The following TBRG4 variants were observed in gnomAD, a reference collection of about 807,000 sequenced individuals.
TBRG4 encodes transforming growth factor beta regulator 4, also known as FAST kinase domain-containing protein 4.
A neutral mutation model predicts 65.6 loss-of-function variants in TBRG4; 43 were observed. That is an observed-to-expected ratio of 0.66 (90% CI 0.51 to 0.85). The LOEUF (loss-of-function observed/expected upper bound fraction) is 0.85. Ranked by LOEUF, TBRG4 falls within the 40% of genes least tolerant of loss-of-function variation. The pLI, the probability that TBRG4 is intolerant of heterozygous loss-of-function variation, is 0.00. For synonymous variants in TBRG4, 366 were observed against 341.4 expected (o/e 1.07, Z -0.79); for missense variants, 709 against 787.9 (o/e 0.90, Z 1.20).
intron 5 of TBRG4, 143 bp from the exon 6 acceptor site, chr7:45,103,586 G>A (rs1784839932): frequency 1.5e-6 from 1 of 666,964 alleles, no homozygotes; most frequent in Non-Finnish European, 2.6e-6. Flanking sequence ...GAGCTGTGTC[G>A]GGAACAGAGA....
At position 45,109,266 on chromosome 7, in the gene TBRG4, T is replaced by A. The variant is rs1387843167; in HGVS notation, c.-29A>T. On this transcript the variant is annotated 5_prime_UTR_variant, in exon 2 of 11. Transcript: ENST00000258770. ...GTCCTGGGTGGCAGAGAGACAAGACTCCTAGCAAGTGATTCCAAACCCTGA... is the reference window on the plus strand; with the variant it reads ...GTCCTGGGTGGCAGAGAGACAAGACACCTAGCAAGTGATTCCAAACCCTGA... The A allele has an allele frequency of 6.5e-7, 1 of 1,538,488 alleles. No homozygotes were observed. The highest frequency in any genetic ancestry group is 8.7e-7 in the Non-Finnish European group (1 of 1,145,092).
At chr7:45,104,733 G>A (rs1784882999) in intron 3 of TBRG4, 24 bp from the exon 4 acceptor site, 3 of 1,609,790 alleles carry the variant, frequency 1.9e-6, no homozygotes, top group South Asian at 2.2e-5. Flanking sequence ...CCGCGCAGAG[G>A]TCAGCTCAAT....
rs750912625 is a variant in TBRG4 at position 45,102,354 on chromosome 7, T to C, written c.1314A>G (p.Gln438=). 6.2e-7 allele frequency: 1 copy of C among 1,614,038 alleles called. No individual in the cohort carries two copies. The highest frequency in any genetic ancestry group is 8.5e-7 in the Non-Finnish European group (1 of 1,179,996). Residue 438 remains glutamine, a synonymous_variant, in exon 7 of 11, where the codon CAA becomes CAG. Transcript: ENST00000258770. The part of the protein sequence containing the change: ...QAVLHPEFHI[Q]FLGGKSQKDQ... The stretch of plus-strand genomic sequence containing the variant: ...TAGGGGCAGGGGGCTCACCTAGAAA[T>C]TGGATGTGAAATTCAGGGTGGAGGA...
chr7:45,101,680 G>C, intron 8 of TBRG4, 66 bp from the exon 9 acceptor site: 1 of 1,597,844 alleles, frequency 6.3e-7, no homozygotes, highest in Non-Finnish European at 8.5e-7. Context: ...CCACAGGAAA[G>C]ATGAACAAAG....
chr7:45,108,558 G>A (rs1373031562), intron 2 of TBRG4, among the ~76,000 whole-genome samples: 1 of 152,244 alleles, frequency 6.6e-6, no homozygotes, highest in Non-Finnish European at 1.5e-5. Flanking sequence ...AAAGAACTGA[G>A]AAGAACCAGG....
At chr7:45,108,676 T>A in intron 2 of TBRG4, 151 bp downstream of exon 2, 1 of 605,966 alleles carries the variant, frequency 1.7e-6, no homozygotes, top group Non-Finnish European at 2.6e-6. Flanking sequence ...GAAAGCACGA[T>A]AAAGCACTTT....
rs531227429 is a variant in TBRG4, at chr7:45,100,279, C to A, written c.*46G>T. 2.7e-5 allele frequency: 42 copies of A among 1,560,296 alleles called. No homozygotes were observed. The South Asian group carries it at 4.6e-4, about 17-fold the overall frequency. On this transcript the variant is annotated 3_prime_UTR_variant, in exon 11 of 11. Coordinates refer to ENST00000258770, the MANE Select transcript of TBRG4 (RefSeq NM_004749.4). The stretch of plus-strand genomic sequence containing the variant: ...GGTGACCCTTCTTGGCCGCCCACAG[C>A]TAGACCTCCGGCGGAGAGGCACGCA...
chr7:45,100,344 G>C lies in TBRG4; in HGVS notation c.1877C>G (p.Ala626Gly), dbSNP rs1784727848. 1.2e-6 allele frequency: 2 copies of C among 1,614,112 alleles called. No homozygotes were observed. Among genetic ancestry groups the C allele is most frequent in the Non-Finnish European group, 8.5e-7 (1 of 1,179,998 alleles). ...CACAAGTCACTTGGCCAGCTCCTCA[G>C]CCACCGCTTTGCGCATCTTGTCCTT... is the stretch of plus-strand genomic sequence containing the variant. ...YLKDKMRKAV[A>G]EELAK Residue 626 changes from alanine to glycine, a missense_variant, in exon 11 of 11, where the codon GCT becomes GGT. By Grantham distance (60) the Ala-to-Gly change is moderately conservative. Transcript: ENST00000258770.
intron 8 of TBRG4, 79 bp from the exon 9 acceptor site, chr7:45,101,693 G>A: frequency 1.3e-6 from 2 of 1,594,480 alleles, no homozygotes; most frequent in Non-Finnish European, 8.5e-7. Context: ...GAACAAAGAT[G>A]GGACTGTGGG....
At chr7:45,110,070 A>C (rs1785082872) in intron 1 of TBRG4, among the ~76,000 whole-genome samples, 1 of 152,114 alleles carries the variant, frequency 6.6e-6, no homozygotes, top group African/African-American at 2.4e-5. Flanking sequence ...AAGGTAGATT[A>C]CATCACTAGC....
chr7:45,107,529 C>T (rs1218490823), intron 2 of TBRG4: 1 of 152,346 alleles, frequency 6.6e-6, no homozygotes, highest in Non-Finnish European at 1.5e-5. Flanking sequence ...GGTTCAGTCT[C>T]TGCGCTTATG....
At position 45,100,328 on chromosome 7, in the gene TBRG4, C is replaced by T; in HGVS notation, c.1893G>A (p.Lys631=). 1 of 1,613,952 alleles carries T rather than the reference C, an allele frequency of 6.2e-7. No homozygotes were observed. Among genetic ancestry groups the T allele is most frequent in the Non-Finnish European group, 8.5e-7 (1 of 1,179,912 alleles). ...MRKAVAEELA[K] is the part of the protein sequence containing the mutation. ...CAGTCCATGCTGCTGGCACAAGTCA[C>T]TTGGCCAGCTCCTCAGCCACCGCTT... The change falls in exon 11 of 11, where the codon AAG becomes AAA. Residue 631 remains lysine, a synonymous_variant. Coordinates refer to ENST00000258770, the MANE Select transcript of TBRG4 (RefSeq NM_004749.4).
In TBRG4 at chr7:45,100,441, G is replaced by A. The variant is rs767950240; in HGVS notation, c.1795-15C>T. The A allele has an allele frequency of 4.4e-6, 7 of 1,606,490 alleles. No homozygotes were observed. The highest frequency in any genetic ancestry group is 6.0e-6 in the Non-Finnish European group (7 of 1,173,272). ...TAGAATGGGACCTAGAAGGAGGCAG[G>A]GGAGACAGGTCACATGGGCAAGGAG... On this transcript the variant is annotated splice_polypyrimidine_tract_variant and intron_variant, in intron 10 of 10. Transcript: ENST00000258770.
Position 45,101,865 on chromosome 7 carries a change from C to A in TBRG4, c.1527G>T (p.Lys509Asn). 6.2e-7 allele frequency: 1 copy of A among 1,608,834 alleles called. No individual in the cohort carries two copies. The highest frequency in any genetic ancestry group is 1.7e-5 in the Admixed American group (1 of 59,020). ...ACTGCGTGGCCACCTCGAGGCTGCC[C>A]TTGTCGGCGCTCCCCAGCAGCCCCT... ...TLKGLLGSADKGSLEVATQYG... is the reference protein window; with the variant it reads ...TLKGLLGSADNGSLEVATQYG... The change falls in exon 8 of 11, where the codon AAG becomes AAT. Residue 509 changes from lysine (K) to asparagine (N), a missense_variant. Transcript: ENST00000258770.
chr7:45,111,672 G>C lies in TBRG4; in HGVS notation c.-80C>G. ...CGAGCACCACCGCTGACCTCCATCCGCCGCCCTAACTGTCCCCGGAACCAT... is the reference window on the plus strand; with the variant it reads ...CGAGCACCACCGCTGACCTCCATCCCCCGCCCTAACTGTCCCCGGAACCAT... On this transcript the variant is annotated 5_prime_UTR_variant, in exon 1 of 11. Coordinates refer to ENST00000258770, the MANE Select transcript of TBRG4 (RefSeq NM_004749.4). 7.8e-7 allele frequency: 1 copy of C among 1,289,306 alleles called. No individual in the cohort carries two copies. Among genetic ancestry groups the C allele is most frequent in the East Asian group, 5.6e-5 (1 of 18,014 alleles). 79.9% of individuals were successfully genotyped at this position (1,289,306 alleles called of 1,614,324 possible).
Position 45,101,373 on chromosome 7 carries a change from C to T in TBRG4, c.1680-1G>A, listed in dbSNP as rs777769997. The T allele has an allele frequency of 6.2e-7, 1 of 1,613,922 alleles. No individual in the cohort carries two copies. Among genetic ancestry groups the T allele is most frequent in the East Asian group, 2.2e-5 (1 of 44,878 alleles). On this transcript the variant is annotated splice_acceptor_variant, in intron 9 of 10. Coordinates refer to ENST00000258770, the MANE Select transcript of TBRG4 (RefSeq NM_004749.4). LOFTEE classifies it high-confidence loss of function. The stretch of plus-strand genomic sequence containing the variant: ...GAACTCCCACCGCAAGAACGCTAGC[C>T]TGGAAGGAAGAAGAGGTGGCTGACA...
intron 5 of TBRG4, 193 bp downstream of exon 5, chr7:45,103,906 G>A (rs1784850768): frequency 1.9e-5 from 15 of 772,092 alleles, no homozygotes; most frequent in Non-Finnish European, 3.0e-5. Flanking sequence ...AAAGAACAGA[G>A]GAAACAGTTC....
chr7:45,103,323 G>A lies in TBRG4; in HGVS notation c.1176+10C>T. 6.2e-7 allele frequency: 1 copy of A among 1,607,250 alleles called. No homozygotes were observed. The highest frequency in any genetic ancestry group is 1.1e-5 in the South Asian group (1 of 90,236). Reference sequence around the variant, plus strand: ...ATAAAGGTCGAGCAGTGGGAGCCCAGAGGCCCTACCAGGCTGAAGAACTGA... The same window carrying A: ...ATAAAGGTCGAGCAGTGGGAGCCCAAAGGCCCTACCAGGCTGAAGAACTGA... On this transcript the variant is annotated intron_variant, in intron 6 of 10. Coordinates refer to ENST00000258770, the MANE Select transcript of TBRG4 (RefSeq NM_004749.4).
At position 45,100,139 on chromosome 7, in the gene TBRG4, G is replaced by A. The variant is rs1324302433; in HGVS notation, c.*186C>T. 1.1e-5 allele frequency: 6 copies of A among 557,662 alleles called. No homozygotes were observed. In the South Asian group the frequency reaches 1.1e-4, roughly 11 times the overall value. 34.5% of individuals were successfully genotyped at this position (557,662 alleles called of 1,614,324 possible). A position where few individuals can be genotyped will look rare whatever the true frequency, so the allele number is the denominator to read the frequency against. On this transcript the variant is annotated 3_prime_UTR_variant, in exon 11 of 11. Coordinates refer to ENST00000258770, the MANE Select transcript of TBRG4 (RefSeq NM_004749.4). Reference sequence around the variant, plus strand: ...GTGACCAAGCCTGGGAAGGCCCCAGGGGTCCAACACCAAAATTAAAGGTTT... The same window carrying A: ...GTGACCAAGCCTGGGAAGGCCCCAGAGGTCCAACACCAAAATTAAAGGTTT...
Sources: allele counts gnomAD v4.1 joint callset (sites outside exome capture counted in the v4.1 genomes callset), GRCh38; gene constraint gnomAD v4.1.1; transcripts MANE v1.5; gene names NCBI Gene and HGNC (gene_info 2026-07-23, HGNC 2026-07-21).